The following PTPRM variants were observed in gnomAD, a reference collection of about 807,000 sequenced individuals.
PTPRM encodes the protein protein tyrosine phosphatase receptor type M.
A neutral mutation model predicts 186.7 loss-of-function variants in PTPRM; 47 were observed. The ratio of observed to expected loss-of-function variants is 0.25; its 90% CI spans 0.20 to 0.32. The LOEUF is 0.32. Among genes scored for constraint, PTPRM ranks in the 10% least tolerant of loss-of-function variants. The pLI, the probability that PTPRM is intolerant of heterozygous loss-of-function variation, is 1.00. For synonymous variants in PTPRM, 668 were observed against 674.9 expected, an observed-to-expected ratio of 0.99 and a Z score of 0.16; for missense variants, 1,494 against 1,865.0, an observed-to-expected ratio of 0.80 and a Z score of 3.66.
Position 8,368,161 on chromosome 18 carries a change from A to C in PTPRM, c.3055-2729A>C, listed in dbSNP as rs75121482. The stretch of plus-strand genomic sequence containing the variant: ...GCATAACTGAAGTCACAAAAAGGTA[A>C]AAACTAATCCCCCAATATACAGAAG... On this transcript the variant is annotated intron_variant, in intron 23 of 32. Transcript: ENST00000580170. Among the ~76,000 whole-genome samples, 16 of 151,532 alleles carry C rather than the reference A, an allele frequency of 1.1e-4. No individual in the cohort carries two copies. The East Asian group carries it at 2.7e-3, about 26-fold the overall frequency.
intron 19 of PTPRM, among the ~76,000 whole-genome samples, chr18:8,277,863 C>T (rs1040034004): frequency 5.3e-5 from 8 of 152,262 alleles, no homozygotes; most frequent in Admixed American, 4.6e-4. Context: ...CCTTTGAAGA[C>T]TTGAGATAGC....
intron 20 of PTPRM, among the ~76,000 whole-genome samples, chr18:8,299,618 A>AACACAAGATACTGCCCTCCTAGTAGTT (rs1336843266): frequency 6.6e-6 from 1 of 152,094 alleles, no homozygotes; most frequent in African/African-American, 2.4e-5. Flanking sequence ...AAGATAATAA[A>AACACAAGATACTGCCCTCCTAGTAGTT]ACACAAGATA....
At chr18:7,952,752 T>C (rs1170638725) in intron 6 of PTPRM, among the ~76,000 whole-genome samples, 2 of 151,430 alleles carry the variant, frequency 1.3e-5, no homozygotes, top group Non-Finnish European at 2.9e-5. Context: ...ATGCCTATAA[T>C]CCCAGCACTT....
intron 8 of PTPRM, among the ~76,000 whole-genome samples, chr18:8,070,976 G>A (rs1334623086): frequency 1.3e-5 from 2 of 152,154 alleles, no homozygotes; most frequent in African/African-American, 4.8e-5. Flanking sequence ...AAGTATTTTT[G>A]AGTGTTTCTA....
intron 19 of PTPRM, among the ~76,000 whole-genome samples, chr18:8,267,428 T>C (rs1021124616): frequency 2.6e-5 from 4 of 152,110 alleles, no homozygotes; most frequent in Non-Finnish European, 5.9e-5. Context: ...AATTTGGAAA[T>C]TTTAAAGAAA....
intron 32 of PTPRM, among the ~76,000 whole-genome samples, chr18:8,397,842 A>G (rs3786367): frequency 0.28 from 42,331 of 152,134 alleles, 7,163 homozygotes; most frequent in East Asian, 0.5. Flanking sequence ...ATGGTCTTCA[A>G]GGGCAGATCT....
chr18:8,259,652 T>C (rs1364382578), intron 19 of PTPRM, among the ~76,000 whole-genome samples: 1 of 148,670 alleles, frequency 6.7e-6, no homozygotes, highest in Non-Finnish European at 1.5e-5. Context: ...AAAATCTTGC[T>C]TTTTTTTTTG....
rs74523127 is a variant in PTPRM, at chr18:7,870,382, G to T, written c.197-17724G>T. Among the ~76,000 whole-genome samples the T allele has an allele frequency of 2.1e-3, 316 of 152,206 alleles. 1 individual carries two copies. Among genetic ancestry groups the T allele is most frequent in the African/African-American group, 7.3e-3 (305 of 41,510 alleles). On this transcript the variant is annotated intron_variant, in intron 2 of 32. Coordinates refer to ENST00000580170, the MANE Select transcript of PTPRM (RefSeq NM_001105244.2). ...ACTCAGTTTTCTCATTGTTGCTTGG[G>T]TGTCTGCTTTAGCAGTCTTTCTTTC...
At chr18:7,939,060 G>T (rs778370575) in intron 5 of PTPRM, among the ~76,000 whole-genome samples, 10 of 151,990 alleles carry the variant, frequency 6.6e-5, no homozygotes, top group Admixed American at 3.9e-4. Context: ...TGAGATGTTC[G>T]ATTAATACAG....
intron 2 of PTPRM, among the ~76,000 whole-genome samples, chr18:7,819,672 G>A (rs144976141): frequency 1.4e-4 from 22 of 152,348 alleles, no homozygotes; most frequent in African/African-American, 5.1e-4. Flanking sequence ...CTTGCAGTAA[G>A]GCAGGGCTCT....
chr18:7,958,497 A>G lies in PTPRM; in HGVS notation c.1132+3083A>G, dbSNP rs140739888. 5.8e-4 allele frequency among the ~76,000 whole-genome samples: 89 copies of G among 152,300 alleles called. 3 individuals carry two copies. The East Asian group carries it at 0.016, about 27-fold the overall frequency. ...GAAAGGGCACCTGTGTAAACTCGACAAGATCTGAGTGAGTTTCTTGTGGCT... is the reference window on the plus strand; with the variant it reads ...GAAAGGGCACCTGTGTAAACTCGACGAGATCTGAGTGAGTTTCTTGTGGCT... On this transcript the variant is annotated intron_variant, in intron 7 of 32. Coordinates refer to ENST00000580170, the MANE Select transcript of PTPRM (RefSeq NM_001105244.2).
At chr18:8,321,047 A>G (rs758671800) in intron 22 of PTPRM, among the ~76,000 whole-genome samples, 1 of 152,292 alleles carries the variant, frequency 6.6e-6, no homozygotes, top group Non-Finnish European at 1.5e-5. Flanking sequence ...GAATTCATCA[A>G]TGCCGTTAGA....
At chr18:8,237,430 A>C (rs2094357456) in intron 14 of PTPRM, among the ~76,000 whole-genome samples, 2 of 111,792 alleles carry the variant, frequency 1.8e-5, no homozygotes, top group Admixed American at 1.8e-4. Context: ...TGATTCCCTC[A>C]ATTTTTTTTT....
intron 2 of PTPRM, among the ~76,000 whole-genome samples, chr18:7,885,243 GTCT>G (rs958079746): frequency 6.6e-6 from 1 of 152,130 alleles, no homozygotes; most frequent in Non-Finnish European, 1.5e-5. Flanking sequence ...TCTGAGGTTT[GTCT>G]TCTTCATCAG....
At chr18:7,674,878 T>A (rs2039299596) in intron 1 of PTPRM, among the ~76,000 whole-genome samples, 1 of 152,248 alleles carries the variant, frequency 6.6e-6, no homozygotes, top group South Asian at 2.1e-4. Flanking sequence ...CTGAACACTA[T>A]GATTTTGCTT....
intron 7 of PTPRM, among the ~76,000 whole-genome samples, chr18:8,023,342 T>G (rs1209353378): frequency 6.6e-6 from 1 of 152,202 alleles, no homozygotes; most frequent in East Asian, 1.9e-4. Context: ...AAAGTTCTTG[T>G]ATGTTCTCAG....
intron 15 of PTPRM, 113 bp downstream of exon 15, chr18:8,244,322 G>A (rs909357319): frequency 7.2e-6 from 8 of 1,114,966 alleles, no homozygotes; most frequent in South Asian, 4.0e-5. Context: ...TTTTTATGCC[G>A]TGTTGGTTTC....
chr18:8,136,434 A>G (rs778729099), intron 13 of PTPRM, among the ~76,000 whole-genome samples: 13 of 152,240 alleles, frequency 8.5e-5, no homozygotes, highest in Admixed American at 2.0e-4. Context: ...CCACATCAAT[A>G]AATGAGGCAG....
At chr18:8,271,122 A>C (rs2094766664) in intron 19 of PTPRM, among the ~76,000 whole-genome samples, 1 of 152,164 alleles carries the variant, frequency 6.6e-6, no homozygotes, top group Admixed American at 6.5e-5. Context: ...ATAGGTTGAC[A>C]AGTACCCTTA....
Sources: gnomAD v4.1 joint callset for allele counts (sites outside exome capture counted in the v4.1 genomes callset) on GRCh38, gnomAD v4.1.1 for gene constraint, MANE v1.5 for transcripts, NCBI Gene and HGNC (gene_info 2026-07-23, HGNC 2026-07-21) for gene names.